TMEM108: variants seen among roughly 807,000 people sequenced by gnomAD.
TMEM108 encodes transmembrane protein 108, also known as cancer/testis antigen 124.
In TMEM108, 12 loss-of-function variants were observed where a neutral mutation model predicts 35.1. The observed-to-expected ratio is 0.34, with a 90% confidence interval of 0.22 to 0.55. The LOEUF is 0.55. TMEM108 is among the 20% of genes least tolerant of loss of function. TMEM108 has a pLI of 0.89. For synonymous variants in TMEM108, 287 were observed against 308.6 expected (o/e 0.93, Z 0.73); for missense variants, 680 against 753.3 (o/e 0.90, Z 1.14).
intron 3 of TMEM108, among the ~76,000 whole-genome samples, chr3:133,284,313 A>G (rs1300506828): frequency 6.6e-6 from 1 of 152,064 alleles, no homozygotes; most frequent in Non-Finnish European, 1.5e-5. Context: ...CCTTTCCTCC[A>G]CCTTCACACC....
chr3:133,344,641 C>T (rs1411493466), intron 3 of TMEM108, among the ~76,000 whole-genome samples: 1 of 151,666 alleles, frequency 6.6e-6, no homozygotes, highest in Non-Finnish European at 1.5e-5. Flanking sequence ...AACAATCACA[C>T]TTATGAATTA....
At chr3:133,123,475 T>G (rs1389650331) in intron 2 of TMEM108, among the ~76,000 whole-genome samples, 3 of 152,222 alleles carry the variant, frequency 2.0e-5, no homozygotes, top group Admixed American at 2.0e-4. Context: ...AATGTCGTGT[T>G]TCTCCACACC....
chr3:133,315,882 C>A (rs1377060513), intron 3 of TMEM108, among the ~76,000 whole-genome samples: 1 of 152,152 alleles, frequency 6.6e-6, no homozygotes, highest in African/African-American at 2.4e-5. Context: ...ATTGAGTGAA[C>A]ATTGGTGTTA....
chr3:133,204,566 G>A (rs552005632), intron 2 of TMEM108, among the ~76,000 whole-genome samples: 2 of 152,204 alleles, frequency 1.3e-5, no homozygotes, highest in Non-Finnish European at 2.9e-5. Flanking sequence ...TTACCCAGTA[G>A]TCATTCAGGA....
intron 2 of TMEM108, among the ~76,000 whole-genome samples, chr3:133,070,249 T>C (rs74427162): frequency 0.028 from 4,199 of 152,172 alleles, 104 homozygotes; most frequent in South Asian, 0.061. Flanking sequence ...CCTCAGAGTG[T>C]CAAGTATGAG....
chr3:133,133,600 T>C (rs1327753445), intron 2 of TMEM108, among the ~76,000 whole-genome samples: 1 of 152,176 alleles, frequency 6.6e-6, no homozygotes, highest in African/African-American at 2.4e-5. Context: ...TTTCTGTGCC[T>C]GGCCTATTCA....
intron 3 of TMEM108, among the ~76,000 whole-genome samples, chr3:133,266,515 A>G (rs1946698924): frequency 6.6e-6 from 1 of 152,230 alleles, no homozygotes; most frequent in Non-Finnish European, 1.5e-5. Context: ...AGTGTAGAAG[A>G]GAAAATAAAA....
At chr3:133,151,149 A>T (rs922670598) in intron 2 of TMEM108, among the ~76,000 whole-genome samples, 1 of 151,946 alleles carries the variant, frequency 6.6e-6, no homozygotes, top group African/African-American at 2.4e-5. Context: ...GGACCTTGCT[A>T]GGTGCTCCTT....
chr3:133,367,332 A>G (rs2072529310), intron 3 of TMEM108, among the ~76,000 whole-genome samples: 2 of 152,252 alleles, frequency 1.3e-5, no homozygotes, highest in African/African-American at 4.8e-5. Context: ...TGATGGTATC[A>G]GTATTGATAT....
intron 2 of TMEM108, among the ~76,000 whole-genome samples, chr3:133,163,107 T>C (rs1944984592): frequency 6.6e-6 from 1 of 152,172 alleles, no homozygotes; most frequent in Non-Finnish European, 1.5e-5. Flanking sequence ...GTCTTGAGCC[T>C]CTCAGCTGCC....
At chr3:133,232,963 G>C (rs928209958) in intron 3 of TMEM108, among the ~76,000 whole-genome samples, 4 of 150,930 alleles carry the variant, frequency 2.7e-5, no homozygotes, top group Non-Finnish European at 4.4e-5. Context: ...GTTAAAGCTA[G>C]TCCTAAGAAT....
At chr3:133,176,439 A>C (rs2107796669) in intron 2 of TMEM108, among the ~76,000 whole-genome samples, 1 of 152,342 alleles carries the variant, frequency 6.6e-6, no homozygotes, top group African/African-American at 2.4e-5. Flanking sequence ...ACACCTCAGC[A>C]AATGTAAAAG....
At chr3:133,357,970 G>GA (rs1338556770) in intron 3 of TMEM108, among the ~76,000 whole-genome samples, 1 of 151,936 alleles carries the variant, frequency 6.6e-6, no homozygotes, top group African/African-American at 2.4e-5. Flanking sequence ...GAAAAACAAA[G>GA]ACAAGCTATA....
chr3:133,251,627 A>G (rs1053548694), intron 3 of TMEM108, among the ~76,000 whole-genome samples: 2 of 152,160 alleles, frequency 1.3e-5, no homozygotes, highest in African/African-American at 4.8e-5. Flanking sequence ...CAAGGTTATC[A>G]TAGAAAGGGA....
chr3:133,051,856 T>A lies in TMEM108; in HGVS notation c.-47+5836T>A, dbSNP rs562310814. On this transcript the variant is annotated intron_variant, in intron 2 of 5. Coordinates refer to ENST00000321871, the MANE Select transcript of TMEM108 (RefSeq NM_023943.4). The stretch of plus-strand genomic sequence containing the variant: ...CTCTCTATTCTGTTCTATTGGTCTA[T>A]AGGTCTGTTATTTTATCAATACCAT... Among the ~76,000 whole-genome samples, 5 of 152,294 alleles carry A rather than the reference T, an allele frequency of 3.3e-5. No homozygotes were observed. In the East Asian group the frequency reaches 9.6e-4, roughly 29 times the overall value.
intron 2 of TMEM108, among the ~76,000 whole-genome samples, chr3:133,162,733 C>A (rs1162446683): frequency 6.6e-6 from 1 of 152,224 alleles, no homozygotes; most frequent in East Asian, 1.9e-4. Context: ...ACTGCTTCAA[C>A]CTGCTGGCCT....
intron 2 of TMEM108, among the ~76,000 whole-genome samples, chr3:133,195,729 C>CA (rs1439738616): frequency 6.6e-6 from 1 of 152,150 alleles, no homozygotes; most frequent in Non-Finnish European, 1.5e-5. Context: ...GAGTCTCTGC[C>CA]AGGAAGCAGT....
intron 3 of TMEM108, among the ~76,000 whole-genome samples, chr3:133,353,297 A>C (rs2072063060): frequency 6.6e-6 from 1 of 152,182 alleles, no homozygotes; most frequent in African/African-American, 2.4e-5. Flanking sequence ...CATGAAGTTG[A>C]AGCTATGGAG....
chr3:133,099,096 G>A (rs7645982), intron 2 of TMEM108, among the ~76,000 whole-genome samples: 4,570 of 152,254 alleles, frequency 0.03, 239 homozygotes, highest in African/African-American at 0.1. Flanking sequence ...GCATTTAGGC[G>A]TTTCCATTCA....
Sources: allele counts gnomAD v4.1 joint callset (sites outside exome capture counted in the v4.1 genomes callset), GRCh38; gene constraint gnomAD v4.1.1; transcripts MANE v1.5; gene names NCBI Gene and HGNC (gene_info 2026-07-23, HGNC 2026-07-21).